The following AK9 variants were observed in gnomAD, a reference collection of about 807,000 sequenced individuals.
AK9 encodes the protein adenylate kinase domain containing 1.
AK9 carries 191 observed loss-of-function variants against 239.6 expected under a neutral mutation model. The ratio of observed to expected loss-of-function variants is 0.80; its 90% CI spans 0.71 to 0.90. The LOEUF (loss-of-function observed/expected upper bound fraction) is 0.90, where lower values mean the gene tolerates loss of function less well. AK9 is among the 40% of genes least tolerant of loss of function. The pLI, the probability that AK9 is intolerant of heterozygous loss-of-function variation, is 0.00. For missense variants in AK9, 1,995 were observed against 2,214.7 expected, an observed-to-expected ratio of 0.90 and a Z score of 1.99; for synonymous variants, 689 against 721.0, an observed-to-expected ratio of 0.96 and a Z score of 0.71.
intron 25 of AK9, 31 bp downstream of exon 25, chr6:109,550,059 A>G (rs1467323953): frequency 6.3e-7 from 1 of 1,599,502 alleles, no homozygotes; most frequent in Non-Finnish European, 8.5e-7. Flanking sequence ...ATCCTGTGGG[A>G]GCAATCATTA....
chr6:109,542,098 G>T lies in AK9; in HGVS notation c.3299C>A (p.Pro1100His), dbSNP rs146470118. 40 of 1,608,756 alleles carry T rather than the reference G, an allele frequency of 2.5e-5. No individual in the cohort carries two copies. The African/African-American group carries it at 5.3e-4, about 21-fold the overall frequency. ...AGAAAGAATTACTTCAAGAATTTCAGGAGGCAAGGGCTCATTTTCCATTAG... is the reference window on the plus strand; with the variant it reads ...AGAAAGAATTACTTCAAGAATTTCATGAGGCAAGGGCTCATTTTCCATTAG... ...SSLMENEPLP[P>H]EILEVILSEW... is the part of the protein sequence containing the mutation. Residue 1100 changes from proline (P) to histidine (H), a missense_variant, in exon 27 of 41, where the codon CCT (proline) becomes CAT (histidine). By Grantham distance (77) the Pro-to-His change is moderately conservative. Around this residue, in one of 5 missense-constraint regions of AK9, gnomAD observed 1,290 missense variants for 1,392.7 expected, o/e 0.93. Transcript: ENST00000424296.
At position 109,550,190 on chromosome 6, in the gene AK9, G is replaced by T. The variant is rs375398218; in HGVS notation, c.2864C>A (p.Ala955Asp). Reference protein sequence around the residue: ...ILQPGNTEEAAKYREKIYYFS... With the variant: ...ILQPGNTEEADKYREKIYYFS... Reference sequence around the variant, plus strand: ...GTAGTAGATCTTTTCTCGATACTTGGCTGCTTCTTCTGTGTTTCCTGGTTG... The same window carrying T: ...GTAGTAGATCTTTTCTCGATACTTGTCTGCTTCTTCTGTGTTTCCTGGTTG... Residue 955 changes from alanine (A) to aspartate (D), a missense_variant, in exon 25 of 41, where the codon GCC becomes GAC. By Grantham distance (126) the Ala-to-Asp change is moderately radical (BLOSUM62 -2). Transcript: ENST00000424296. 7 of 1,613,560 alleles carry T rather than the reference G, an allele frequency of 4.3e-6. No individual in the cohort carries two copies. Among genetic ancestry groups the T allele is most frequent in the Non-Finnish European group, 5.1e-6 (6 of 1,179,968 alleles).
At chr6:109,644,276 T>A (rs1289530128) in intron 9 of AK9, among the ~76,000 whole-genome samples, 1 of 152,106 alleles carries the variant, frequency 6.6e-6, no homozygotes, top group Non-Finnish European at 1.5e-5. Context: ...ACTTTGGTCA[T>A]CCTAGAAGGT....
intron 26 of AK9, among the ~76,000 whole-genome samples, chr6:109,542,966 C>T (rs949887992): frequency 5.9e-5 from 9 of 152,212 alleles, no homozygotes; most frequent in East Asian, 3.9e-4. Flanking sequence ...ATCACACACA[C>T]GCCTATAAGG....
chr6:109,683,355 C>A (rs1157462613), intron 1 of AK9, among the ~76,000 whole-genome samples: 1 of 152,188 alleles, frequency 6.6e-6, no homozygotes, highest in Non-Finnish European at 1.5e-5. Flanking sequence ...AGGATGCCCA[C>A]TCTCACCACT....
chr6:109,605,454 C>T lies in AK9; in HGVS notation c.1842+4911G>A, dbSNP rs143689710. Among the ~76,000 whole-genome samples, 27 of 151,780 alleles carry T rather than the reference C, an allele frequency of 1.8e-4. No homozygotes were observed. The East Asian group carries it at 4.8e-3, about 27-fold the overall frequency. On this transcript the variant is annotated intron_variant, in intron 17 of 40. Coordinates refer to ENST00000424296, the MANE Select transcript of AK9 (RefSeq NM_001145128.3). ...TTTTCTTGCTATTTTTTTTTCATCC[C>T]CACTCTGAGAAGGGAGCCAGGATCT...
At chr6:109,584,171 T>C (rs17070737) in intron 19 of AK9, among the ~76,000 whole-genome samples, 3,165 of 152,214 alleles carry the variant, frequency 0.021, 84 homozygotes, top group East Asian at 0.11. Flanking sequence ...AAATGAATAA[T>C]GAACACTAAA....
chr6:109,514,286 G>C lies in AK9; in HGVS notation c.4217C>G (p.Pro1406Arg). ...NPIKYIRQPKPKPTVPIRIII... is the reference protein window; with the variant it reads ...NPIKYIRQPKRKPTVPIRIII... The stretch of plus-strand genomic sequence containing the variant: ...AATCCTAATGGGCACAGTAGGCTTA[G>C]GTTTGGGTTGGCGGATATATTTGAT... The change falls in exon 32 of 41, where the codon CCT becomes CGT. Residue 1406 changes from proline to arginine, a missense_variant. Around this residue, in one of 5 missense-constraint regions of AK9, gnomAD observed 1,290 missense variants for 1,392.7 expected, o/e 0.93. Coordinates refer to ENST00000424296, the MANE Select transcript of AK9 (RefSeq NM_001145128.3). The C allele has an allele frequency of 6.4e-7, 1 of 1,551,824 alleles. No individual in the cohort carries two copies. The highest frequency in any genetic ancestry group is 2.0e-5 in the Admixed American group (1 of 50,996).
chr6:109,644,550 C>T (rs772241820), intron 9 of AK9, 64 bp downstream of exon 9: 5 of 1,368,752 alleles, frequency 3.7e-6, no homozygotes, highest in African/African-American at 1.5e-5. Context: ...AAAAGAAGTA[C>T]AATACTGTCA....
intron 33 of AK9, among the ~76,000 whole-genome samples, 176 bp downstream of exon 33, chr6:109,509,002 GT>G (rs1227606129): frequency 6.6e-6 from 1 of 152,202 alleles, no homozygotes; most frequent in Non-Finnish European, 1.5e-5. Context: ...TTCAAGCCAA[GT>G]TTTTGCTTGA....
intron 19 of AK9, among the ~76,000 whole-genome samples, chr6:109,582,341 G>A (rs1788959577): frequency 6.6e-6 from 1 of 152,150 alleles, no homozygotes; most frequent in Admixed American, 6.5e-5. Context: ...CTTCTGGAAA[G>A]GATTTACCAT....
Position 109,546,147 on chromosome 6 carries a change from A to AT in AK9, c.2965-21_2965-20insA. 1 of 565,710 alleles carries AT rather than the reference A, an allele frequency of 1.8e-6. No individual in the cohort carries two copies. The highest frequency in any genetic ancestry group is 3.2e-6 in the Non-Finnish European group (1 of 317,112). 35.0% of individuals were successfully genotyped at this position (565,710 alleles called of 1,614,324 possible). On this transcript the variant is annotated intron_variant, in intron 25 of 40. Transcript: ENST00000424296. ...AGGAGCCTGTCACAGGGGGTGGGTCAGGGAGGGGTGGGATAAAGGGAGAGT... is the reference window on the plus strand; with the variant it reads ...AGGAGCCTGTCACAGGGGGTGGGTCATGGGAGGGGTGGGATAAAGGGAGAGT...
chr6:109,636,153 G>C (rs1281128769), intron 10 of AK9, among the ~76,000 whole-genome samples: 1 of 152,094 alleles, frequency 6.6e-6, no homozygotes, highest in Admixed American at 6.6e-5. Flanking sequence ...CTAGGTGCCA[G>C]TCTGACCCTG....
At chr6:109,595,676 A>G (rs1478682167) in intron 17 of AK9, among the ~76,000 whole-genome samples, 1 of 152,218 alleles carries the variant, frequency 6.6e-6, no homozygotes, top group Non-Finnish European at 1.5e-5. Context: ...CAGCCATAAA[A>G]AAGGATGAGT....
intron 28 of AK9, among the ~76,000 whole-genome samples, chr6:109,532,152 GCTCT>G (rs1299259710): frequency 2.0e-5 from 3 of 152,126 alleles, no homozygotes; most frequent in Non-Finnish European, 2.9e-5. Flanking sequence ...TAATAGATGA[GCTCT>G]CTGACACATT....
intron 12 of AK9, among the ~76,000 whole-genome samples, chr6:109,627,455 T>C (rs543915692): frequency 2.6e-5 from 4 of 152,222 alleles, no homozygotes; most frequent in Non-Finnish European, 5.9e-5. Flanking sequence ...TGTACATGAT[T>C]GTATGTGCTA....
At chr6:109,570,299 A>C (rs2128192464) in intron 21 of AK9, among the ~76,000 whole-genome samples, 1 of 150,850 alleles carries the variant, frequency 6.6e-6, no homozygotes, top group African/African-American at 2.4e-5. Context: ...GGAAGGGGGG[A>C]GGGATAGCAT....
intron 20 of AK9, among the ~76,000 whole-genome samples, chr6:109,577,943 T>C (rs78029357): frequency 6.3e-5 from 9 of 143,806 alleles, no homozygotes; most frequent in East Asian, 2.0e-4. Context: ...TTCTTTCTCT[T>C]TTTTTTTTTC....
chr6:109,498,037 G>T lies in AK9; in HGVS notation c.5047-72C>A, dbSNP rs548595501. 4 of 1,483,338 alleles carry T rather than the reference G, an allele frequency of 2.7e-6. No homozygotes were observed. The East Asian group carries it at 9.3e-5, about 34-fold the overall frequency. The allele number at this position is 1,483,338 out of a possible 1,614,324, so 91.9% of individuals were successfully genotyped here. On this transcript the variant is annotated intron_variant, in intron 36 of 40. Coordinates refer to ENST00000424296, the MANE Select transcript of AK9 (RefSeq NM_001145128.3). ...CTATGCCAATCAGAAGGCCACCGAG[G>T]CTCTCCTGCACCCTCCCCATTTTCA...
Sources: allele counts gnomAD v4.1 joint callset (sites outside exome capture counted in the v4.1 genomes callset), GRCh38; gene constraint gnomAD v4.1.1; regional missense constraint gnomAD v4.1.1; transcripts MANE v1.5; gene names NCBI Gene and HGNC (gene_info 2026-07-23, HGNC 2026-07-21).